SLC19A1: variants seen among roughly 807,000 people sequenced by gnomAD.
SLC19A1 encodes the protein reduced folate transporter.
A neutral mutation model predicts 35.3 loss-of-function variants in SLC19A1; 37 were observed. The ratio of observed to expected loss-of-function variants is 1.05; its 90% CI spans 0.81 to 1.38. The LOEUF is 1.38. Ranked by LOEUF, SLC19A1 falls within the 40% of genes most tolerant of loss-of-function variation. SLC19A1 has a pLI of 0.00. For synonymous variants in SLC19A1, 460 were observed against 398.5 expected (o/e 1.15, Z -1.84); for missense variants, 831 against 826.9 (o/e 1.00, Z -0.06).
downstream of SLC19A1, chr21:45,511,330 T>C: frequency 1.4e-6 from 1 of 708,220 alleles, no homozygotes. Flanking sequence ...GGACAAATCT[T>C]ATACATGCTC....
downstream of SLC19A1, among the ~76,000 whole-genome samples, chr21:45,507,750 C>A (rs1334989872): frequency 6.6e-6 from 1 of 152,184 alleles, no homozygotes; most frequent in Non-Finnish European, 1.5e-5. Context: ...GTGCAGGACA[C>A]CCCACTACCT....
chr21:45,534,745 G>A lies in SLC19A1; in HGVS notation c.190-2597C>T, dbSNP rs2078051292. 1 of 694,334 alleles carries A rather than the reference G, an allele frequency of 1.4e-6. No homozygotes were observed. 43.0% of individuals were successfully genotyped at this position (694,334 alleles called of 1,614,324 possible). A position where few individuals can be genotyped will look rare whatever the true frequency, so the allele number is the denominator to read the frequency against. On this transcript the variant is annotated intron_variant, in intron 2 of 5. Coordinates refer to ENST00000311124, the MANE Select transcript of SLC19A1 (RefSeq NM_194255.4). This position sits in a 1 kb window ranked among gnomAD's most constrained non-coding sequence, Gnocchi z 4.2. ...CCTCAGCCTTGGCAGGCAGACAGCA[G>A]GGAGGCTCTGCCCAGAGCTGTGACC...
intron 3 of SLC19A1, chr21:45,505,798 TC>T: frequency 6.5e-6 from 5 of 768,304 alleles, no homozygotes; most frequent in Non-Finnish European, 1.0e-5. Flanking sequence ...CCCCCCGCCC[TC>T]CCCGCCAAGC....
chr21:45,506,149 A>G (rs1467435190), intron 3 of SLC19A1: 3 of 875,850 alleles, frequency 3.4e-6, no homozygotes, highest in South Asian at 1.5e-5. Flanking sequence ...TTTTGGGTTT[A>G]AAGAAAAGTG....
At chr21:45,502,577 T>G in intron 3 of SLC19A1, 1 of 152,216 alleles carries the variant, frequency 6.6e-6, no homozygotes, top group Non-Finnish European at 1.5e-5. Flanking sequence ...AGTCCAAAAA[T>G]CCAAAGTTAA....
intron 1 of SLC19A1, among the ~76,000 whole-genome samples, chr21:45,551,803 A>G (rs945482201): frequency 7.2e-5 from 11 of 152,182 alleles, no homozygotes; most frequent in African/African-American, 2.7e-4. Context: ...GTGGGATTTC[A>G]ATCTCTGATA....
chr21:45,552,601 GAGC>G (rs2078477211), intron 1 of SLC19A1, among the ~76,000 whole-genome samples: 1 of 152,210 alleles, frequency 6.6e-6, no homozygotes. Context: ...GTCACCAGCA[GAGC>G]AGACAGCCTC....
chr21:45,551,039 T>A (rs1411526110), intron 1 of SLC19A1, among the ~76,000 whole-genome samples: 1 of 151,070 alleles, frequency 6.6e-6, no homozygotes, highest in Non-Finnish European at 1.5e-5. Context: ...TCTTAGTCCC[T>A]TTCCTGTTCT....
intron 3 of SLC19A1, among the ~76,000 whole-genome samples, chr21:45,503,591 T>A (rs980154635): frequency 2.0e-3 from 270 of 132,562 alleles, no homozygotes; most frequent in African/African-American, 5.8e-3. Flanking sequence ...AACAATGAGA[T>A]CACATGGACA....
intron 1 of SLC19A1, among the ~76,000 whole-genome samples, chr21:45,559,585 G>A (rs1232669434): frequency 6.6e-6 from 1 of 152,162 alleles, no homozygotes; most frequent in African/African-American, 2.4e-5. Flanking sequence ...CTGATTTGCA[G>A]CTCTGTCCAG....
chr21:45,547,834 T>C (rs147726562), upstream of SLC19A1, among the ~76,000 whole-genome samples: 410 of 152,354 alleles, frequency 2.7e-3, 3 homozygotes, highest in African/African-American at 9.5e-3. Flanking sequence ...TGGCTCAGCA[T>C]AAATCTCTTC....
At chr21:45,524,859 G>A (rs999747904) in intron 5 of SLC19A1, among the ~76,000 whole-genome samples, 1 of 150,584 alleles carries the variant, frequency 6.6e-6, no homozygotes, top group Non-Finnish European at 1.5e-5. Flanking sequence ...CCCACCCTAA[G>A]CGTTCACCCC....
downstream of SLC19A1, chr21:45,512,072 AGCCCCCTGGTAACCCCAGGGCTG>A (rs2037643249): frequency 1.8e-6 from 2 of 1,138,932 alleles, no homozygotes; most frequent in Non-Finnish European, 2.6e-6. Context: ...GAGCCTCTGC[AGCCCCCTGGTAACCCCAGGGCTG>A]GCCTCCTGCC....
chr21:45,540,520 T>C lies in SLC19A1; in HGVS notation c.-50+1848A>G, dbSNP rs1015751603. 3.6e-4 allele frequency among the ~76,000 whole-genome samples: 55 copies of C among 152,350 alleles called. 1 individual carries two copies. The highest frequency in any genetic ancestry group is 3.5e-3 in the Admixed American group (53 of 15,306). On this transcript the variant is annotated intron_variant, in intron 1 of 5. Coordinates refer to ENST00000311124, the MANE Select transcript of SLC19A1 (RefSeq NM_194255.4). This position sits in a 1 kb window ranked among gnomAD's most constrained non-coding sequence, Gnocchi z 5.5. Reference sequence around the variant, plus strand: ...AGAGTCTCCGCCAGCAAGGGGCTGCTGCTGGTCTTAACAGTCAGCCTCTGC... The same window carrying C: ...AGAGTCTCCGCCAGCAAGGGGCTGCCGCTGGTCTTAACAGTCAGCCTCTGC...
At chr21:45,536,815 T>C (rs973440674) in intron 2 of SLC19A1, among the ~76,000 whole-genome samples, 3 of 152,018 alleles carry the variant, frequency 2.0e-5, no homozygotes, top group African/African-American at 7.3e-5. Flanking sequence ...CCCAGGGCCC[T>C]GGGATGGGGT....
Position 45,530,698 on chromosome 21 carries a change from A to G in SLC19A1, c.1151+72T>C. On this transcript the variant is annotated intron_variant, in intron 4 of 5. Coordinates refer to ENST00000311124, the MANE Select transcript of SLC19A1 (RefSeq NM_194255.4). This position sits in a 1 kb window ranked among gnomAD's most constrained non-coding sequence, Gnocchi z 5.3. ...CGCTGGGGCGCAGCAGGAAGGTGGG[A>G]GCACCCAGCGAAGCGCGGGGCTTGA... 2 of 1,446,544 alleles carry G rather than the reference A, an allele frequency of 1.4e-6. No individual in the cohort carries two copies. The highest frequency in any genetic ancestry group is 2.5e-5 in the South Asian group (2 of 80,174). The allele number at this position is 1,446,544 out of a possible 1,614,324, so 89.6% of individuals were successfully genotyped here. A position where few individuals can be genotyped will look rare whatever the true frequency, so the allele number is the denominator to read the frequency against.
At chr21:45,505,938 G>T in intron 3 of SLC19A1, 1 of 1,613,236 alleles carries the variant, frequency 6.2e-7, no homozygotes, top group Non-Finnish European at 8.5e-7. Flanking sequence ...CTCTACGTCC[G>T]CGTGCAGAAC....
upstream of SLC19A1, among the ~76,000 whole-genome samples, chr21:45,542,743 G>A (rs1364793965): frequency 6.6e-6 from 1 of 150,610 alleles, no homozygotes; most frequent in African/African-American, 2.4e-5. Flanking sequence ...TCGCGGAGGT[G>A]TCGGTCCCTC....
In SLC19A1 at chr21:45,515,199, CACCAAGGATG is replaced by C; in HGVS notation, c.*449_*458del. The C allele has an allele frequency of 6.6e-7, 1 of 1,520,602 alleles. No homozygotes were observed. Among genetic ancestry groups the C allele is most frequent in the African/African-American group, 1.4e-5 (1 of 70,816 alleles). The allele number at this position is 1,520,602 out of a possible 1,614,324, so 94.2% of individuals were successfully genotyped here. A position where few individuals can be genotyped will look rare whatever the true frequency, so the allele number is the denominator to read the frequency against. ...AAAGCATCTTTCAAAAAAGCAAGAG[CACCAAGGATG>C]ACCAGCAATGTCACAGCTCAGCTAC... On this transcript the variant is annotated 3_prime_UTR_variant, in exon 6 of 6. Transcript: ENST00000311124.
Sources: gnomAD v4.1 joint callset for allele counts (sites outside exome capture counted in the v4.1 genomes callset) on GRCh38, gnomAD v4.1.1 for gene constraint, Gnocchi (gnomAD v3.1) non-coding constraint, MANE v1.5 for transcripts, NCBI Gene and HGNC (gene_info 2026-07-23, HGNC 2026-07-21) for gene names.